The following AKAP9 variants were observed in gnomAD, a reference collection of about 807,000 sequenced individuals.
AKAP9 encodes A-kinase anchor protein 9.
Under a neutral mutation model 488.5 loss-of-function variants are expected in AKAP9, and 311 were observed. That is an observed-to-expected ratio of 0.64 (90% confidence interval 0.58 to 0.70). The LOEUF is 0.70. Among genes scored for constraint, AKAP9 ranks in the 30% least tolerant of loss-of-function variants. The pLI, the probability that AKAP9 is intolerant of heterozygous loss-of-function variation, is 0.00. For missense variants in AKAP9, 4,215 were observed against 4,374.5 expected (o/e 0.96, Z 1.03); for synonymous variants, 1,462 against 1,483.5 (o/e 0.99, Z 0.33).
chr7:91,983,851 C>T (rs1463317097), intron 3 of AKAP9, among the ~76,000 whole-genome samples: 1 of 152,162 alleles, frequency 6.6e-6, no homozygotes, highest in East Asian at 1.9e-4. Context: ...GAGATAGTAT[C>T]TCATTGTGGT....
chr7:92,072,956 G>C (rs1432052562), intron 28 of AKAP9, among the ~76,000 whole-genome samples: 2 of 152,130 alleles, frequency 1.3e-5, no homozygotes, highest in Admixed American at 6.5e-5. Context: ...CACCTTAAGT[G>C]GTTGAAAAGG....
At chr7:92,057,921 G>GT in intron 22 of AKAP9, 1 of 226,576 alleles carries the variant, frequency 4.4e-6, no homozygotes, top group Non-Finnish European at 8.8e-6. Flanking sequence ...TTTGGTTTGG[G>GT]TTTTTTTGAG....
At chr7:91,982,732 G>C (rs1422544853) in intron 3 of AKAP9, among the ~76,000 whole-genome samples, 1 of 152,140 alleles carries the variant, frequency 6.6e-6, no homozygotes, top group East Asian at 1.9e-4. Context: ...GGGTCAGATG[G>C]TATTTCTAGT....
At chr7:92,034,476 A>C (rs1044201716) in intron 16 of AKAP9, among the ~76,000 whole-genome samples, 22 of 132,796 alleles carry the variant, frequency 1.7e-4, no homozygotes, top group Non-Finnish European at 1.1e-4. Context: ...TGTAGTGTAT[A>C]TATCTATATA....
chr7:91,995,930 T>C (rs1237563486), intron 7 of AKAP9, 130 bp downstream of exon 7: 1 of 701,892 alleles, frequency 1.4e-6, no homozygotes, highest in African/African-American at 1.8e-5. Context: ...GTGTAATTTA[T>C]TTCAAAAGCA....
In AKAP9 at chr7:92,086,411, G is replaced by T. The variant is rs1455678910; in HGVS notation, c.9208G>T (p.Glu3070Ter). 1 of 1,612,036 alleles carries T rather than the reference G, an allele frequency of 6.2e-7. No individual in the cohort carries two copies. The highest frequency in any genetic ancestry group is 8.5e-7 in the Non-Finnish European group (1 of 1,178,272). The change falls in exon 37 of 50, where the codon GAA becomes TAA. Residue 3070 changes from glutamate to a stop codon, truncating the protein, a stop_gained. Coordinates refer to ENST00000356239, the MANE Select transcript of AKAP9 (RefSeq NM_005751.5). LOFTEE classifies it high-confidence loss of function. Reference protein sequence around the residue: ...LLNCLEQRIQEQGVEYQAAME... With the variant: ...LLNCLEQRIQ ...AAACTGTTTGGAACAGAGAATACAA[G>T]AACAGGTATAATGAAACTTCATTTT... is the stretch of plus-strand genomic sequence containing the variant.
chr7:92,085,855 G>A (rs1196614706), intron 36 of AKAP9, among the ~76,000 whole-genome samples, 169 bp downstream of exon 36: 1 of 152,100 alleles, frequency 6.6e-6, no homozygotes, highest in Non-Finnish European at 1.5e-5. Context: ...TGTAATCCCA[G>A]CACTTTGGGA....
At chr7:92,011,423 G>A (rs968463241) in intron 8 of AKAP9, among the ~76,000 whole-genome samples, 1 of 152,162 alleles carries the variant, frequency 6.6e-6, no homozygotes, top group East Asian at 1.9e-4. Context: ...GTGGAAAGAT[G>A]TAAAGAAAAA....
Position 91,973,737 on chromosome 7 carries a change from T to C in AKAP9, c.75T>C (p.Ala25=). 6.2e-7 allele frequency: 1 copy of C among 1,614,002 alleles called. No homozygotes were observed. The highest frequency in any genetic ancestry group is 1.7e-5 in the Admixed American group (1 of 60,006). ...AKLAQFRQRK[A]QSDGQSPSKK... The stretch of plus-strand genomic sequence containing the variant: ...TTGCCCAGTTTCGACAAAGAAAAGC[T>C]CAGTCGGATGGGCAGAGTCCTTCCA... Residue 25 remains alanine (A), a synonymous_variant, in exon 2 of 50, where the codon GCT becomes GCC. Coordinates refer to ENST00000356239, the MANE Select transcript of AKAP9 (RefSeq NM_005751.5).
Position 92,012,468 on chromosome 7 carries a change from C to T in AKAP9, c.3358C>T (p.Leu1120Phe), listed in dbSNP as rs1300887608. Residue 1120 changes from leucine to phenylalanine, a missense_variant, in exon 9 of 50, where the codon CTC (leucine) becomes TTC (phenylalanine). Physicochemically the swap from Leu to Phe is conservative, Grantham distance 22. Coordinates refer to ENST00000356239, the MANE Select transcript of AKAP9 (RefSeq NM_005751.5). ...RLQMEAQRICLSLVYSTHVDQ... is the reference protein window; with the variant it reads ...RLQMEAQRICFSLVYSTHVDQ... ...ACAGATGGAAGCCCAACGCATTTGCCTCTCTCTGGTTTATTCAACTCATGT... is the reference window on the plus strand; with the variant it reads ...ACAGATGGAAGCCCAACGCATTTGCTTCTCTCTGGTTTATTCAACTCATGT... 1.9e-6 allele frequency: 3 copies of T among 1,614,078 alleles called. No individual in the cohort carries two copies. Among genetic ancestry groups the T allele is most frequent in the Non-Finnish European group, 2.5e-6 (3 of 1,179,988 alleles).
intron 3 of AKAP9, among the ~76,000 whole-genome samples, chr7:91,985,866 C>T (rs1300046749): frequency 2.0e-5 from 3 of 152,178 alleles, no homozygotes; most frequent in Non-Finnish European, 2.9e-5. Context: ...TCAAGCTGGT[C>T]TCGAACTCCT....
At position 92,062,414 on chromosome 7, in the gene AKAP9, A is replaced by C; in HGVS notation, c.5905A>C (p.Ile1969Leu). The change falls in exon 24 of 50, where the codon ATC becomes CTC. Residue 1969 changes from isoleucine (I) to leucine (L), a missense_variant. By Grantham distance (5) the Ile-to-Leu change is conservative. This residue lies in a region of AKAP9 where 2,361 missense variants were observed against 2,430.0 expected (regional missense o/e 0.97). Transcript: ENST00000356239. ...LQELEAEQQQ[I>L]QEERELLSRQ... ...AGAATTGGAGGCAGAGCAACAGCAG[A>C]TCCAAGAAGAAAGAGAATTACTGTC... 6.2e-7 allele frequency: 1 copy of C among 1,613,914 alleles called. No homozygotes were observed. The highest frequency in any genetic ancestry group is 1.1e-5 in the South Asian group (1 of 91,080).
At chr7:92,011,045 G>C (rs1800682826) in intron 8 of AKAP9, among the ~76,000 whole-genome samples, 1 of 152,010 alleles carries the variant, frequency 6.6e-6, no homozygotes, top group Non-Finnish European at 1.5e-5. Flanking sequence ...GAATAGAAGG[G>C]AAATTTCTTA....
chr7:92,044,200 T>A (rs375244840), intron 20 of AKAP9, among the ~76,000 whole-genome samples: 26 of 152,186 alleles, frequency 1.7e-4, no homozygotes, highest in African/African-American at 6.0e-4. Context: ...ATTGCTGAGG[T>A]TTTTTGGTGA....
At chr7:91,955,291 T>C (rs1792833135) in intron 1 of AKAP9, among the ~76,000 whole-genome samples, 1 of 152,202 alleles carries the variant, frequency 6.6e-6, no homozygotes, top group South Asian at 2.1e-4. Context: ...TAAAAAAGAA[T>C]ATATGTAAAA....
Position 92,053,109 on chromosome 7 carries a change from G to A in AKAP9, c.5601+151G>A. The A allele has an allele frequency of 4.4e-6, 3 of 685,214 alleles. No individual in the cohort carries two copies. In the South Asian group the frequency reaches 4.9e-5, roughly 11 times the overall value. The allele number at this position is 685,214 out of a possible 1,614,324, so 42.4% of individuals were successfully genotyped here. A position where few individuals can be genotyped will look rare whatever the true frequency, so the allele number is the denominator to read the frequency against. On this transcript the variant is annotated intron_variant, in intron 22 of 49. Coordinates refer to ENST00000356239, the MANE Select transcript of AKAP9 (RefSeq NM_005751.5). ...ATGCATCTTAATTATCCCTTTGGTT[G>A]TATGAAAGTTGTATAGTATAAATGA... is the stretch of plus-strand genomic sequence containing the variant.
At chr7:92,068,966 C>T (rs1170399210) in intron 26 of AKAP9, among the ~76,000 whole-genome samples, 2 of 152,108 alleles carry the variant, frequency 1.3e-5, no homozygotes, top group Non-Finnish European at 2.9e-5. Context: ...TACAGTACAA[C>T]TAATCCTTCC....
At chr7:92,016,888 T>C (rs1292867828) in intron 11 of AKAP9, 129 bp from the exon 12 acceptor site, 1 of 662,284 alleles carries the variant, frequency 1.5e-6, no homozygotes, top group East Asian at 2.8e-5. Flanking sequence ...AATTTTCAGT[T>C]ACTAAATATC....
chr7:91,971,443 C>T (rs1218662896), intron 1 of AKAP9, among the ~76,000 whole-genome samples: 1 of 151,662 alleles, frequency 6.6e-6, no homozygotes, highest in South Asian at 2.1e-4. Flanking sequence ...TCACAGAGTT[C>T]ACATATTTCT....
Sources: gnomAD v4.1 joint callset for allele counts (sites outside exome capture counted in the v4.1 genomes callset) on GRCh38, gnomAD v4.1.1 for gene constraint, gnomAD v4.1.1 regional missense constraint, MANE v1.5 for transcripts, NCBI Gene and HGNC (gene_info 2026-07-23, HGNC 2026-07-21) for gene names.